Variants in IMPG1 observed in about 807,000 individuals in gnomAD.
IMPG1 encodes the protein interphotoreceptor matrix proteoglycan 1, also known as interphotoreceptor matrix proteoglycan of 150 kDa.
In IMPG1, 85 loss-of-function variants were observed where a neutral mutation model predicts 92.0. The observed-to-expected ratio is 0.92, with a 90% confidence interval of 0.78 to 1.11. The LOEUF is 1.11. IMPG1 is among the 50% of genes least tolerant of loss of function. The pLI is 0.00. For missense variants in IMPG1, 1,022 were observed against 956.0 expected (o/e 1.07, Z -0.91); for synonymous variants, 367 against 334.1 (o/e 1.10, Z -1.08).
chr6:75,935,134 G>C, intron 14 of IMPG1: 1 of 423,256 alleles, frequency 2.4e-6, no homozygotes, highest in Non-Finnish European at 5.0e-6. Flanking sequence ...GTAGACTTCG[G>C]GAATGACATT....
chr6:75,979,955 A>C (rs1392500846), intron 12 of IMPG1, among the ~76,000 whole-genome samples: 1 of 152,240 alleles, frequency 6.6e-6, no homozygotes, highest in Non-Finnish European at 1.5e-5. Context: ...ATTTGAAATA[A>C]GAAAAAGCAG....
chr6:76,067,708 T>C (rs1419996273), intron 1 of IMPG1, among the ~76,000 whole-genome samples: 2 of 152,028 alleles, frequency 1.3e-5, no homozygotes, highest in Admixed American at 6.6e-5. Context: ...GTCACCCTGA[T>C]ACCAAAGCCA....
At chr6:75,951,792 A>G (rs1434557654) in intron 12 of IMPG1, among the ~76,000 whole-genome samples, 5 of 152,140 alleles carry the variant, frequency 3.3e-5, no homozygotes. Context: ...AAACCTCTCA[A>G]TTAGCTGGGT....
chr6:76,062,519 T>C (rs1784224241), intron 1 of IMPG1, among the ~76,000 whole-genome samples: 1 of 152,212 alleles, frequency 6.6e-6, no homozygotes, highest in South Asian at 2.1e-4. Flanking sequence ...AGTGCTGGCA[T>C]AGGTTGTGTT....
intron 1 of IMPG1, among the ~76,000 whole-genome samples, chr6:76,044,516 C>A (rs1582126805): frequency 6.6e-6 from 1 of 152,120 alleles, no homozygotes; most frequent in East Asian, 1.9e-4. Context: ...AGTCTTTGTT[C>A]CTTTGGGGCT....
Position 76,018,868 on chromosome 6 carries a change from A to G in IMPG1, c.667-10T>C, listed in dbSNP as rs545558304. The G allele has an allele frequency of 6.6e-6, 4 of 607,394 alleles. No individual in the cohort carries two copies. Among genetic ancestry groups the G allele is most frequent in the Non-Finnish European group, 9.2e-6 (4 of 436,678 alleles). 37.6% of individuals were successfully genotyped at this position (607,394 alleles called of 1,614,324 possible). A position where few individuals can be genotyped will look rare whatever the true frequency, so the allele number is the denominator to read the frequency against. The stretch of plus-strand genomic sequence containing the variant: ...ATTCTGTTTCTCTTTCCTGAGTTTA[A>G]AAAAAAAAAAAAGGACTTCTGTTAA... On this transcript the variant is annotated splice_polypyrimidine_tract_variant and intron_variant, in intron 6 of 16. Coordinates refer to ENST00000369950, the MANE Select transcript of IMPG1 (RefSeq NM_001563.4).
rs55886149 is a variant in IMPG1, at chr6:75,967,381, A to G, written c.1292-16287T>C. ...TGAGAAGGGCATGATTAGGATTAGC[A>G]TTCTTATAAAAGAGACTCCAGAGAG... On this transcript the variant is annotated intron_variant, in intron 12 of 16. Coordinates refer to ENST00000369950, the MANE Select transcript of IMPG1 (RefSeq NM_001563.4). Among the ~76,000 whole-genome samples the G allele has an allele frequency of 6.1e-3, 931 of 152,212 alleles. 9 individuals carry two copies. Among genetic ancestry groups the G allele is most frequent in the African/African-American group, 0.021 (880 of 41,532 alleles).
chr6:75,963,885 C>G (rs1293048232), intron 12 of IMPG1, among the ~76,000 whole-genome samples: 1 of 152,174 alleles, frequency 6.6e-6, no homozygotes, highest in African/African-American at 2.4e-5. Flanking sequence ...TCTTTCCTAA[C>G]TAGGAACTCT....
In IMPG1 at chr6:76,036,222, A is replaced by C. The variant is rs75913199; in HGVS notation, c.302-1435T>G. Among the ~76,000 whole-genome samples the C allele has an allele frequency of 5.7e-3, 861 of 152,358 alleles. 33 individuals are homozygous for C. In the East Asian group the frequency reaches 0.088, roughly 16 times the overall value. ...TTGATGTTAAACTTTGTCTCATTTTAGCAATGCACAATATAAATAACGACT... is the reference window on the plus strand; with the variant it reads ...TTGATGTTAAACTTTGTCTCATTTTCGCAATGCACAATATAAATAACGACT... On this transcript the variant is annotated intron_variant, in intron 2 of 16. Transcript: ENST00000369950.
At chr6:75,956,496 T>C (rs1782123486) in intron 12 of IMPG1, among the ~76,000 whole-genome samples, 1 of 152,222 alleles carries the variant, frequency 6.6e-6, no homozygotes, top group Admixed American at 6.5e-5. Context: ...TTTTCTTCTT[T>C]AGTAGTCTGG....
At chr6:75,971,146 T>A (rs562416340) in intron 12 of IMPG1, among the ~76,000 whole-genome samples, 1 of 152,034 alleles carries the variant, frequency 6.6e-6, no homozygotes, top group Non-Finnish European at 1.5e-5. Context: ...CCATAAAAAA[T>A]GATGAGTTCA....
intron 1 of IMPG1, among the ~76,000 whole-genome samples, chr6:76,055,885 ATAT>A (rs1295715722): frequency 6.6e-6 from 1 of 152,118 alleles, no homozygotes; most frequent in Admixed American, 6.6e-5. Flanking sequence ...GGATAATTAA[ATAT>A]TATCATAACC....
At chr6:75,929,828 G>A (rs556114481) in intron 15 of IMPG1, among the ~76,000 whole-genome samples, 98 of 152,068 alleles carry the variant, frequency 6.4e-4, no homozygotes, top group Middle Eastern at 3.4e-3. Context: ...TTTTGTATGT[G>A]GTGTTAGGGG....
chr6:76,045,103 C>A (rs1783914906), intron 1 of IMPG1, among the ~76,000 whole-genome samples: 1 of 152,142 alleles, frequency 6.6e-6, no homozygotes, highest in South Asian at 2.1e-4. Flanking sequence ...CTGGGATACC[C>A]CAGTTTATAG....
intron 5 of IMPG1, among the ~76,000 whole-genome samples, chr6:76,023,539 T>C (rs1219813150): frequency 1.3e-5 from 2 of 152,202 alleles, no homozygotes; most frequent in Non-Finnish European, 2.9e-5. Flanking sequence ...TTTGGAGATT[T>C]CTCACTCTTC....
chr6:76,005,164 C>T (rs1783071345), intron 10 of IMPG1, 123 bp downstream of exon 10: 3 of 921,668 alleles, frequency 3.3e-6, no homozygotes. Flanking sequence ...CATATGTATT[C>T]CTGTCACAGT....
chr6:76,019,562 A>G (rs1783378956), intron 6 of IMPG1, among the ~76,000 whole-genome samples: 1 of 151,858 alleles, frequency 6.6e-6, no homozygotes, highest in Admixed American at 6.6e-5. Context: ...CTTGTCACAA[A>G]CTCCCCTCCA....
chr6:75,929,324 G>A (rs1284129470), intron 15 of IMPG1, among the ~76,000 whole-genome samples: 1 of 152,048 alleles, frequency 6.6e-6, no homozygotes, highest in African/African-American at 2.4e-5. Flanking sequence ...GGATTTCCCT[G>A]ATGATAGTGA....
intron 12 of IMPG1, among the ~76,000 whole-genome samples, chr6:75,985,682 A>T (rs1211088559): frequency 6.6e-6 from 1 of 152,150 alleles, no homozygotes; most frequent in Admixed American, 6.5e-5. Context: ...CTATTCCATT[A>T]TCTGGCTCCA....
Sources: allele counts gnomAD v4.1 joint callset (sites outside exome capture counted in the v4.1 genomes callset), GRCh38; gene constraint gnomAD v4.1.1; transcripts MANE v1.5; gene names NCBI Gene and HGNC (gene_info 2026-07-23, HGNC 2026-07-21).